Variants in ECT2 observed in about 807,000 individuals in gnomAD.
The protein encoded by ECT2 is epithelial cell transforming 2, also known as protein ECT2.
ECT2 carries 61 observed loss-of-function variants against 116.9 expected under a neutral mutation model. That is an observed-to-expected ratio of 0.52 (90% CI 0.42 to 0.65). The LOEUF is 0.65. Ranked by LOEUF, ECT2 falls within the 30% of genes least tolerant of loss-of-function variation. The pLI is 0.00. For synonymous variants in ECT2, 358 were observed against 346.4 expected (o/e 1.03, Z -0.37); for missense variants, 937 against 1,078.7 (o/e 0.87, Z 1.84).
intron 18 of ECT2, among the ~76,000 whole-genome samples, chr3:172,789,811 A>G (rs929236824): frequency 2.6e-5 from 4 of 152,152 alleles, no homozygotes; most frequent in East Asian, 3.8e-4. Flanking sequence ...GGGTTTGTTC[A>G]TGAGATTGCA....
intron 20 of ECT2, among the ~76,000 whole-genome samples, chr3:172,804,186 A>C (rs1206623220): frequency 6.6e-6 from 1 of 152,084 alleles, no homozygotes; most frequent in Non-Finnish European, 1.5e-5. Flanking sequence ...CTTATATATC[A>C]TATACATTAT....
At chr3:172,783,956 G>C in intron 16 of ECT2, 47 bp downstream of exon 16, 1 of 1,253,776 alleles carries the variant, frequency 8.0e-7, no homozygotes, top group Non-Finnish European at 1.1e-6. Context: ...TATTTCTGAA[G>C]TAATTCACCA....
chr3:172,792,595 T>A (rs1020403536), intron 18 of ECT2, among the ~76,000 whole-genome samples: 5 of 152,216 alleles, frequency 3.3e-5, no homozygotes, highest in Non-Finnish European at 7.3e-5. Context: ...TTGTTTCCAG[T>A]TCTTGGCTCT....
intron 15 of ECT2, among the ~76,000 whole-genome samples, chr3:172,782,533 A>G (rs1044715615): frequency 1.3e-5 from 2 of 152,104 alleles, no homozygotes; most frequent in Non-Finnish European, 1.5e-5. Context: ...TTTATTTTAT[A>G]TATTATTTAA....
At chr3:172,791,247 C>A (rs933651875) in intron 18 of ECT2, among the ~76,000 whole-genome samples, 37 of 151,946 alleles carry the variant, frequency 2.4e-4, no homozygotes, top group Admixed American at 2.4e-3. Flanking sequence ...TAGCATAATT[C>A]GTAAGGGCCC....
rs913249674 is a variant in ECT2 at position 172,750,837 on chromosome 3, C to G, written c.-43C>G. On this transcript the variant is annotated 5_prime_UTR_variant, in exon 1 of 25. Transcript: ENST00000392692. ...AGTCGGCGTTTGAAGAGGTGGAACT[C>G]CTAGGGCTTTTTTGAGAGTGGTAAG... 1 of 152,942 alleles carries G rather than the reference C, an allele frequency of 6.5e-6. No individual in the cohort carries two copies. Among genetic ancestry groups the G allele is most frequent in the African/African-American group, 2.4e-5 (1 of 41,450 alleles). 9.5% of individuals were successfully genotyped at this position (152,942 alleles called of 1,614,324 possible).
At chr3:172,773,713 A>G (rs1382882421) in intron 13 of ECT2, among the ~76,000 whole-genome samples, 190 bp from the exon 14 acceptor site, 1 of 152,228 alleles carries the variant, frequency 6.6e-6, no homozygotes, top group Non-Finnish European at 1.5e-5. Context: ...ATATACATAT[A>G]CACAGGTATA....
the ECT2 span, among the ~76,000 whole-genome samples, chr3:172,827,553 CAT>C: frequency 6.6e-6 from 1 of 152,110 alleles, no homozygotes; most frequent in Non-Finnish European, 1.5e-5. Flanking sequence ...TGTTCTCACT[CAT>C]ATGTGGGAGC....
At chr3:172,798,781 T>C (rs1261129732) in intron 18 of ECT2, among the ~76,000 whole-genome samples, 1 of 152,198 alleles carries the variant, frequency 6.6e-6, no homozygotes, top group Non-Finnish European at 1.5e-5. Context: ...TATAGTTATT[T>C]ACATAAGTCT....
At chr3:172,762,013 T>G (rs553666302) in intron 8 of ECT2, among the ~76,000 whole-genome samples, 77 of 152,266 alleles carry the variant, frequency 5.1e-4, no homozygotes, top group African/African-American at 1.9e-3. Flanking sequence ...TACATTTTAA[T>G]TGGTGCTTGA....
intron 22 of ECT2, among the ~76,000 whole-genome samples, chr3:172,811,090 G>C (rs919268692): frequency 2.0e-5 from 3 of 151,990 alleles, no homozygotes; most frequent in Non-Finnish European, 4.4e-5. Context: ...AATGAGTTTT[G>C]GCTAATCTAT....
chr3:172,764,421 C>T lies in ECT2; in HGVS notation c.1212C>T (p.Arg404=). 6.2e-7 allele frequency: 1 copy of T among 1,614,152 alleles called. No individual in the cohort carries two copies. Among genetic ancestry groups the T allele is most frequent in the Non-Finnish European group, 8.5e-7 (1 of 1,179,998 alleles). The change falls in exon 12 of 25, where the codon CGC becomes CGT. Residue 404 remains arginine, a synonymous_variant. Transcript: ENST00000392692. ...TDVSPFPPRK[R]PSAEHSLSIG... ...TGTCACCATTTCCACCCCGTAAGCG[C>T]CCATCAGCTGAGCATTCCCTTTCCA...
intron 5 of ECT2, 103 bp downstream of exon 5, chr3:172,757,268 C>A: frequency 1.2e-6 from 1 of 840,056 alleles, no homozygotes; most frequent in Non-Finnish European, 1.7e-6. Flanking sequence ...TTGCTGAGAG[C>A]AAAATATTTA....
intron 5 of ECT2, among the ~76,000 whole-genome samples, chr3:172,758,554 G>T (rs146956147): frequency 7.6e-4 from 116 of 151,810 alleles, no homozygotes; most frequent in Non-Finnish European, 1.3e-3. Context: ...TTAAAGATTA[G>T]AATTATATTT....
At chr3:172,758,825 T>C (rs746736524) in intron 5 of ECT2, among the ~76,000 whole-genome samples, 155 bp from the exon 6 acceptor site, 11 of 152,242 alleles carry the variant, frequency 7.2e-5, no homozygotes, top group Non-Finnish European at 1.5e-4. Context: ...GTCGTTTTGC[T>C]GTTTTTTTGT....
At chr3:172,797,017 A>C (rs926553394) in intron 18 of ECT2, among the ~76,000 whole-genome samples, 16 of 49,124 alleles carry the variant, frequency 3.3e-4, no homozygotes, top group African/African-American at 1.1e-3. Flanking sequence ...ATCAGGTTCA[A>C]CTGTGTGTGT....
intron 14 of ECT2, among the ~76,000 whole-genome samples, chr3:172,777,287 T>C (rs1449702860): frequency 6.6e-6 from 1 of 152,220 alleles, no homozygotes; most frequent in Non-Finnish European, 1.5e-5. Context: ...TTAAGTTTTT[T>C]GTAGTGTTAA....
In ECT2 at chr3:172,811,788, G is replaced by A. The variant is rs927924148; in HGVS notation, c.2401-3816G>A. Among the ~76,000 whole-genome samples the A allele has an allele frequency of 2.6e-5, 4 of 151,998 alleles. No individual in the cohort carries two copies. In the South Asian group the frequency reaches 6.2e-4, roughly 24 times the overall value. On this transcript the variant is annotated intron_variant, in intron 22 of 24. Transcript: ENST00000392692. Reference sequence around the variant, plus strand: ...TACCAATGTTTAGTTTAATAGTCATGCTATGATTTTTACTGTCTATTAAAT... The same window carrying A: ...TACCAATGTTTAGTTTAATAGTCATACTATGATTTTTACTGTCTATTAAAT...
chr3:172,764,442 T>C lies in ECT2; in HGVS notation c.1233T>C (p.Leu411=), dbSNP rs747671287. 11 of 1,614,014 alleles carry C rather than the reference T, an allele frequency of 6.8e-6. No homozygotes were observed. The East Asian group carries it at 2.4e-4, about 36-fold the overall frequency. Reference sequence around the variant, plus strand: ...AGCGCCCATCAGCTGAGCATTCCCTTTCCATAGGGTCACTCCTAGATATCT... The same window carrying C: ...AGCGCCCATCAGCTGAGCATTCCCTCTCCATAGGGTCACTCCTAGATATCT... ...PRKRPSAEHS[L]SIGSLLDISN... The change falls in exon 12 of 25, where the codon CTT becomes CTC. Residue 411 remains leucine, a synonymous_variant. Coordinates refer to ENST00000392692, the MANE Select transcript of ECT2 (RefSeq NM_001258315.2).
Sources: gnomAD v4.1 joint callset for allele counts (sites outside exome capture counted in the v4.1 genomes callset) on GRCh38, gnomAD v4.1.1 for gene constraint, MANE v1.5 for transcripts, NCBI Gene and HGNC (gene_info 2026-07-23, HGNC 2026-07-21) for gene names.